ROR2: variants seen among roughly 807,000 people sequenced by gnomAD.
ROR2 encodes tyrosine-protein kinase transmembrane receptor ROR2.
Under a neutral mutation model 74.9 loss-of-function variants are expected in ROR2, and 33 were observed. The ratio of observed to expected loss-of-function variants is 0.44; its 90% CI spans 0.33 to 0.59. The LOEUF (loss-of-function observed/expected upper bound fraction) is 0.59, where lower values mean the gene tolerates loss of function less well. Among genes scored for constraint, ROR2 ranks in the 20% least tolerant of loss-of-function variants. The pLI, the probability that ROR2 is intolerant of heterozygous loss-of-function variation, is 0.02. For missense variants in ROR2, 1,216 were observed against 1,313.8 expected (o/e 0.93, Z 1.15); for synonymous variants, 586 against 558.7 (o/e 1.05, Z -0.69).
At chr9:91,802,318 C>T (rs1352407407) in intron 1 of ROR2, among the ~76,000 whole-genome samples, 3 of 152,000 alleles carry the variant, frequency 2.0e-5, no homozygotes, top group East Asian at 1.9e-4. Context: ...CCTCATGATC[C>T]GCCTGCCTCG....
At chr9:91,840,966 G>T (rs368341196) in intron 1 of ROR2, among the ~76,000 whole-genome samples, 1 of 152,202 alleles carries the variant, frequency 6.6e-6, no homozygotes, top group East Asian at 1.9e-4. Context: ...GGCATGATTT[G>T]CAAGACTGTG....
At chr9:91,911,946 A>C (rs1405824179) in intron 1 of ROR2, among the ~76,000 whole-genome samples, 1 of 151,674 alleles carries the variant, frequency 6.6e-6, no homozygotes, top group Non-Finnish European at 1.5e-5. Flanking sequence ...AAAAAAAAAA[A>C]AAAAAAAACC....
rs1554679208 is a variant in ROR2, at chr9:91,819,653, T to TGTGTCTTTCA, written c.98-43836_98-43835insTGAAAGACAC. ...TGTGTTGGTGTGTTTCTGTGTTCTC[T>TGTGTCTTTCA]GTGTCTGTGTCTTTCAGTGTCTGTG... is the stretch of plus-strand genomic sequence containing the variant. On this transcript the variant is annotated intron_variant, in intron 1 of 8. Coordinates refer to ENST00000375708, the MANE Select transcript of ROR2 (RefSeq NM_004560.4). 1.2e-4 allele frequency among the ~76,000 whole-genome samples: 18 copies of TGTGTCTTTCA among 150,118 alleles called. No homozygotes were observed. In the East Asian group the frequency reaches 2.2e-3, roughly 18 times the overall value.
chr9:91,877,012 A>G (rs1334478897), intron 1 of ROR2, among the ~76,000 whole-genome samples: 1 of 152,152 alleles, frequency 6.6e-6, no homozygotes, highest in Admixed American at 6.5e-5. Context: ...TACACAGAAG[A>G]TCCCAAAACC....
intron 1 of ROR2, among the ~76,000 whole-genome samples, chr9:91,805,660 T>C (rs554572083): frequency 3.3e-5 from 5 of 152,240 alleles, no homozygotes; most frequent in South Asian, 4.2e-4. Context: ...CAGAAGTACA[T>C]GTACACACCC....
Position 91,946,941 on chromosome 9 carries a change from CAG to C in ROR2, c.97+2924_97+2925del, listed in dbSNP as rs202207055. 1.2e-3 allele frequency among the ~76,000 whole-genome samples: 185 copies of C among 152,288 alleles called. 1 individual carries two copies. The highest frequency in any genetic ancestry group is 4.2e-3 in the African/African-American group (175 of 41,566). The stretch of plus-strand genomic sequence containing the variant: ...CCAAAGAAAAGAGCAGTGTAAAATT[CAG>C]ACTCTGCCAGACTTAATCTCTTGGA... On this transcript the variant is annotated intron_variant, in intron 1 of 8. Transcript: ENST00000375708.
intron 1 of ROR2, among the ~76,000 whole-genome samples, chr9:91,776,402 C>A (rs1208701688): frequency 1.3e-5 from 2 of 152,176 alleles, no homozygotes; most frequent in Non-Finnish European, 2.9e-5. Flanking sequence ...AAAAGCCAAG[C>A]CCTGAGCCAT....
In ROR2 at chr9:91,818,432, C is replaced by T. The variant is rs575387018; in HGVS notation, c.98-42614G>A. Among the ~76,000 whole-genome samples the T allele has an allele frequency of 1.1e-4, 17 of 151,818 alleles. No homozygotes were observed. In the South Asian group the frequency reaches 2.9e-3, roughly 26 times the overall value. On this transcript the variant is annotated intron_variant, in intron 1 of 8. Coordinates refer to ENST00000375708, the MANE Select transcript of ROR2 (RefSeq NM_004560.4). ...GCTATCTCCCTGTACTCCACCACAA[C>T]CACCAACTCCCGCCCACCACGCCCC... is the stretch of plus-strand genomic sequence containing the variant.
In ROR2 at chr9:91,724,916, C is replaced by A. The variant is rs1472964319; in HGVS notation, c.1578G>T (p.Met526Ile). 3.1e-6 allele frequency: 5 copies of A among 1,611,614 alleles called. No individual in the cohort carries two copies. The highest frequency in any genetic ancestry group is 1.1e-5 in the South Asian group (1 of 90,970). The change falls in exon 9 of 9, where the codon ATG becomes ATT. Residue 526 changes from methionine to isoleucine, a missense_variant. Met to Ile is a conservative substitution (Grantham distance 10). Transcript: ENST00000375708. Reference sequence around the variant, plus strand: ...TGGGGTGTTGCAGCCGTGCTCGCAGCATAGCCTCATGCCGGAACTCCTCCC... The same window carrying A: ...TGGGGTGTTGCAGCCGTGCTCGCAGAATAGCCTCATGCCGGAACTCCTCCC... ...PLREEFRHEA[M>I]LRARLQHPNV...
intron 1 of ROR2, among the ~76,000 whole-genome samples, chr9:91,796,896 A>T (rs369611585): frequency 1.5e-5 from 1 of 68,608 alleles, no homozygotes; most frequent in African/African-American, 7.3e-5. Flanking sequence ...ACACCCTGGG[A>T]TCTGTGGATG....
chr9:91,896,992 G>A lies in ROR2; in HGVS notation c.97+52875C>T, dbSNP rs116904903. 6.5e-3 allele frequency among the ~76,000 whole-genome samples: 983 copies of A among 152,300 alleles called. 3 individuals carry two copies. The highest frequency in any genetic ancestry group is 0.01 in the Middle Eastern group (3 of 294). ...CACAGCTCATTTAAAGAGCGAGTGG[G>A]AGCAAAGGGAAGGAAGGGGAAGGCC... On this transcript the variant is annotated intron_variant, in intron 1 of 8. Transcript: ENST00000375708.
At chr9:91,877,803 C>T (rs1829997832) in intron 1 of ROR2, among the ~76,000 whole-genome samples, 1 of 152,298 alleles carries the variant, frequency 6.6e-6, no homozygotes, top group Non-Finnish European at 1.5e-5. Context: ...GGAAGTACCA[C>T]GGTGTAATAA....
chr9:91,729,461 G>A (rs1373694249), intron 7 of ROR2, among the ~76,000 whole-genome samples: 1 of 152,198 alleles, frequency 6.6e-6, no homozygotes, highest in Non-Finnish European at 1.5e-5. Context: ...CTGATCTGCT[G>A]AGCCAGAGGC....
intron 1 of ROR2, among the ~76,000 whole-genome samples, chr9:91,919,423 C>T (rs1831213182): frequency 6.6e-6 from 1 of 152,186 alleles, no homozygotes; most frequent in Non-Finnish European, 1.5e-5. Flanking sequence ...GTAATAACAA[C>T]GGTTCAGGAG....
intron 1 of ROR2, among the ~76,000 whole-genome samples, chr9:91,865,275 C>G (rs1446003051): frequency 6.6e-6 from 1 of 152,290 alleles, no homozygotes; most frequent in Middle Eastern, 3.4e-3. Flanking sequence ...GCTCTTCACT[C>G]GGTTACAGTG....
chr9:91,925,466 ATGTGTGTGTG>A (rs35012954), intron 1 of ROR2, among the ~76,000 whole-genome samples: 1 of 144,510 alleles, frequency 6.9e-6, no homozygotes, highest in Non-Finnish European at 1.5e-5. Context: ...AGCTGCCTGT[ATGTGTGTGTG>A]TGTGTGTGTG....
intron 2 of ROR2, among the ~76,000 whole-genome samples, chr9:91,758,484 C>T (rs986093869): frequency 6.6e-6 from 1 of 152,194 alleles, no homozygotes; most frequent in African/African-American, 2.4e-5. Context: ...AAGCTAATCA[C>T]AGTCCTGTAA....
chr9:91,877,726 CAG>C, intron 1 of ROR2, among the ~76,000 whole-genome samples: 1 of 152,234 alleles, frequency 6.6e-6, no homozygotes, highest in South Asian at 2.1e-4. Flanking sequence ...TGCCTATTGA[CAG>C]ACTAAATTAC....
chr9:91,824,948 C>T (rs1828239577), intron 1 of ROR2, among the ~76,000 whole-genome samples: 1 of 152,218 alleles, frequency 6.6e-6, no homozygotes, highest in Non-Finnish European at 1.5e-5. Flanking sequence ...CCCCGGCCCG[C>T]TGGCCCCAAG....
Sources: allele counts gnomAD v4.1 joint callset (sites outside exome capture counted in the v4.1 genomes callset), GRCh38; gene constraint gnomAD v4.1.1; transcripts MANE v1.5; gene names NCBI Gene and HGNC (gene_info 2026-07-23, HGNC 2026-07-21).